The following JPT1 variants were observed in gnomAD, a reference collection of about 807,000 sequenced individuals.
JPT1 encodes Jupiter microtubule associated homolog 1.
In JPT1, 5 loss-of-function variants were observed where a neutral mutation model predicts 17.0. That is an observed-to-expected ratio of 0.29 (90% CI 0.15 to 0.62). The LOEUF (loss-of-function observed/expected upper bound fraction) is 0.62. JPT1 is among the 20% of genes least tolerant of loss of function. The pLI is 0.85. For missense variants in JPT1, 158 were observed against 188.1 expected, an observed-to-expected ratio of 0.84 and a Z score of 0.94; for synonymous variants, 71 against 73.6, an observed-to-expected ratio of 0.96 and a Z score of 0.18.
chr17:75,142,002 G>A (rs2074320812), intron 4 of JPT1, among the ~76,000 whole-genome samples: 1 of 152,082 alleles, frequency 6.6e-6, no homozygotes, highest in Admixed American at 6.6e-5. Context: ...CTGGGAGGCG[G>A]AGGTTGCCTT....
chr17:75,154,406 G>T lies in JPT1; in HGVS notation c.-9C>A. 6.5e-7 allele frequency: 1 copy of T among 1,548,400 alleles called. No homozygotes were observed. Among genetic ancestry groups the T allele is most frequent in the Non-Finnish European group, 8.7e-7 (1 of 1,145,820 alleles). ...GTGGTGGTTGTGGTCATGGCGCCGA[G>T]GAGCGAGGTAGGCTGGCGCCGGAGC... On this transcript the variant is annotated 5_prime_UTR_variant, in exon 1 of 5. Coordinates refer to ENST00000409753, the MANE Select transcript of JPT1 (RefSeq NM_016185.4).
chr17:75,136,692 A>G (rs1426312904), intron 4 of JPT1, among the ~76,000 whole-genome samples: 1 of 152,128 alleles, frequency 6.6e-6, no homozygotes, highest in Non-Finnish European at 1.5e-5. Flanking sequence ...GGGTTTCACC[A>G]TCCTGGCCAA....
At chr17:75,143,369 G>A (rs980309567) in intron 4 of JPT1, among the ~76,000 whole-genome samples, 4 of 146,968 alleles carry the variant, frequency 2.7e-5, no homozygotes, top group African/African-American at 9.7e-5. Flanking sequence ...GTATCAGCCC[G>A]GCCAACATGG....
chr17:75,149,850 C>T (rs992592428), intron 1 of JPT1, among the ~76,000 whole-genome samples: 3 of 52,980 alleles, frequency 5.7e-5, no homozygotes, highest in Admixed American at 2.9e-4. Context: ...CATCTCTAAT[C>T]ACTTACACAC....
chr17:75,153,260 T>C (rs1018911689), intron 1 of JPT1: 4 of 152,210 alleles, frequency 2.6e-5, no homozygotes, highest in Non-Finnish European at 4.4e-5. Flanking sequence ...TGTGGACACC[T>C]TCCACAGAAT....
intron 4 of JPT1, among the ~76,000 whole-genome samples, chr17:75,138,163 T>C (rs1372142957): frequency 1.3e-5 from 2 of 151,960 alleles, no homozygotes; most frequent in Non-Finnish European, 2.9e-5. Context: ...GGTTTCACCA[T>C]GTTGGCCTGG....
At chr17:75,143,185 T>C (rs1215601344) in intron 4 of JPT1, among the ~76,000 whole-genome samples, 1 of 152,208 alleles carries the variant, frequency 6.6e-6, no homozygotes, top group Non-Finnish European at 1.5e-5. Flanking sequence ...GTTCAGTCCA[T>C]TGGTATGAAA....
chr17:75,139,960 T>C (rs1287860141), intron 4 of JPT1, among the ~76,000 whole-genome samples: 2 of 152,118 alleles, frequency 1.3e-5, no homozygotes, highest in Non-Finnish European at 2.9e-5. Context: ...AGATGGAGTC[T>C]CTCTCTCTTG....
chr17:75,135,920 C>T lies in JPT1; in HGVS notation c.*182G>A. 5 of 1,359,590 alleles carry T rather than the reference C, an allele frequency of 3.7e-6. No homozygotes were observed. Among genetic ancestry groups the T allele is most frequent in the Non-Finnish European group, 4.0e-6 (4 of 994,366 alleles). The allele number at this position is 1,359,590 out of a possible 1,614,324, so 84.2% of individuals were successfully genotyped here. A position where few individuals can be genotyped will look rare whatever the true frequency, so the allele number is the denominator to read the frequency against. On this transcript the variant is annotated 3_prime_UTR_variant, in exon 5 of 5. Transcript: ENST00000409753. Reference sequence around the variant, plus strand: ...TAGAAAACACTCATGCCATGGCCCACAGACCCAAGAGTCAAGGACAGAGAG... The same window carrying T: ...TAGAAAACACTCATGCCATGGCCCATAGACCCAAGAGTCAAGGACAGAGAG...
chr17:75,151,898 A>G (rs4788870), intron 1 of JPT1, among the ~76,000 whole-genome samples: 149,214 of 151,930 alleles, frequency 0.98, 73,338 homozygotes, highest in East Asian at 1. Context: ...GAACCTGGAA[A>G]GCAGAGGTTG....
chr17:75,147,494 A>T, intron 3 of JPT1, 62 bp downstream of exon 3: 1 of 1,140,398 alleles, frequency 8.8e-7, no homozygotes, highest in Non-Finnish European at 1.3e-6. Flanking sequence ...TGAAACTCTT[A>T]GTACAAATTT....
intron 1 of JPT1, chr17:75,149,314 C>A: frequency 3.6e-6 from 1 of 280,992 alleles, no homozygotes; most frequent in South Asian, 2.9e-5. Flanking sequence ...GTGTTCACAC[C>A]GCTGAACTCC....
intron 4 of JPT1, among the ~76,000 whole-genome samples, chr17:75,144,956 G>GCTCAGGAGCTTCTC (rs923660051): frequency 6.6e-6 from 1 of 152,036 alleles, no homozygotes; most frequent in African/African-American, 2.4e-5. Flanking sequence ...GCTCCCAAAG[G>GCTCAGGAGCTTCTC]CTCAGGAGCT....
At chr17:75,147,233 T>C (rs2074457729) in intron 3 of JPT1, among the ~76,000 whole-genome samples, 1 of 151,552 alleles carries the variant, frequency 6.6e-6, no homozygotes, top group Non-Finnish European at 1.5e-5. Context: ...AGCACTAGTC[T>C]CCTGGAGTTC....
At position 75,154,501 on chromosome 17, in the gene JPT1, G is replaced by T; in HGVS notation, c.-104C>A. 2 of 1,074,422 alleles carry T rather than the reference G, an allele frequency of 1.9e-6. No homozygotes were observed. Among genetic ancestry groups the T allele is most frequent in the East Asian group, 3.0e-5 (1 of 33,852 alleles). 66.6% of individuals were successfully genotyped at this position (1,074,422 alleles called of 1,614,324 possible). On this transcript the variant is annotated 5_prime_UTR_variant, in exon 1 of 5. In the 5' UTR this introduces an upstream ATG that the reference lacks. Coordinates refer to ENST00000409753, the MANE Select transcript of JPT1 (RefSeq NM_016185.4). ...CACCCAACAGCCGACCACCGCTGCA[G>T]GAGCCGCCGCTGCCGCCTGTCCGGC...
chr17:75,149,037 G>A (rs1490541268), intron 1 of JPT1: 25 of 1,279,530 alleles, frequency 2.0e-5, no homozygotes, highest in Non-Finnish European at 2.2e-5. Flanking sequence ...AAGTTTAGAA[G>A]TATTTCTTGT....
chr17:75,151,435 A>G (rs2074551203), intron 1 of JPT1, among the ~76,000 whole-genome samples: 2 of 152,128 alleles, frequency 1.3e-5, no homozygotes, highest in African/African-American at 2.4e-5. Flanking sequence ...AGGCAGGCAG[A>G]TCACAAGGTC....
At chr17:75,137,195 G>C (rs542938358) in intron 4 of JPT1, among the ~76,000 whole-genome samples, 2 of 152,164 alleles carry the variant, frequency 1.3e-5, no homozygotes, top group East Asian at 3.9e-4. Context: ...CAAATGAATT[G>C]TCTCTCATTA....
intron 4 of JPT1, chr17:75,142,859 T>C (rs556619693): frequency 2.2e-6 from 1 of 448,618 alleles, no homozygotes; most frequent in African/African-American, 2.0e-5. Context: ...TCCTGTGATA[T>C]TATGATATAC....
Sources: gnomAD v4.1 joint callset for allele counts (sites outside exome capture counted in the v4.1 genomes callset) on GRCh38, gnomAD v4.1.1 for gene constraint, MANE v1.5 for transcripts, NCBI Gene and HGNC (gene_info 2026-07-23, HGNC 2026-07-21) for gene names.